Variants in EDIL3 observed in about 807,000 individuals in gnomAD.
EDIL3 encodes the protein EGF-like repeat and discoidin I-like domain-containing protein 3.
Under a neutral mutation model 67.4 loss-of-function variants are expected in EDIL3, and 37 were observed. The observed-to-expected ratio is 0.55, with a 90% CI of 0.42 to 0.72. The LOEUF (loss-of-function observed/expected upper bound fraction) is 0.72, where lower values mean the gene tolerates loss of function less well. Among genes scored for constraint, EDIL3 ranks in the 30% least tolerant of loss-of-function variants. The probability of loss-of-function intolerance (pLI) is 0.00; values close to 1 mark genes in which losing one functional copy is unlikely to be tolerated. For synonymous variants in EDIL3, 195 were observed against 196.3 expected (o/e 0.99, Z 0.05); for missense variants, 527 against 586.3 (o/e 0.90, Z 1.04).
At chr5:84,374,233 A>C (rs2112216253) in intron 1 of EDIL3, among the ~76,000 whole-genome samples, 1 of 152,034 alleles carries the variant, frequency 6.6e-6, no homozygotes, top group East Asian at 1.9e-4. Context: ...AAGCACAACT[A>C]TAATTACCTC....
chr5:84,179,778 C>T (rs1240081228), intron 4 of EDIL3, among the ~76,000 whole-genome samples: 4 of 152,134 alleles, frequency 2.6e-5, no homozygotes, highest in African/African-American at 9.7e-5. Context: ...ACCTACAGTG[C>T]TAAGGCACCA....
intron 9 of EDIL3, among the ~76,000 whole-genome samples, chr5:83,964,253 T>C (rs557453791): frequency 1.3e-5 from 2 of 151,982 alleles, no homozygotes. Context: ...GTTAATTTTT[T>C]AAAAATCTAG....
At chr5:83,974,962 A>C (rs1580260559) in intron 9 of EDIL3, among the ~76,000 whole-genome samples, 1 of 151,944 alleles carries the variant, frequency 6.6e-6, no homozygotes, top group East Asian at 1.9e-4. Context: ...AGCTTAATAA[A>C]TGGTAAAGTA....
intron 1 of EDIL3, among the ~76,000 whole-genome samples, chr5:84,312,100 T>A (rs777639895): frequency 6.6e-6 from 1 of 151,096 alleles, no homozygotes; most frequent in Admixed American, 6.6e-5. Flanking sequence ...GGGTGGTGGC[T>A]GGGCAGCGGG....
chr5:84,249,917 A>ATC (rs1744989591), intron 2 of EDIL3, among the ~76,000 whole-genome samples: 2 of 152,192 alleles, frequency 1.3e-5, no homozygotes, highest in Admixed American at 1.3e-4. Flanking sequence ...ATATATATAT[A>ATC]TGGAAAGAGA....
At chr5:84,008,398 A>G (rs1004050565) in intron 9 of EDIL3, among the ~76,000 whole-genome samples, 2 of 152,232 alleles carry the variant, frequency 1.3e-5, no homozygotes, top group East Asian at 1.9e-4. Context: ...TACCTCACAT[A>G]TATCTCATAT....
At chr5:84,370,893 T>C (rs1442127433) in intron 1 of EDIL3, among the ~76,000 whole-genome samples, 1 of 152,104 alleles carries the variant, frequency 6.6e-6, no homozygotes, top group African/African-American at 2.4e-5. Flanking sequence ...TAAAAAGATG[T>C]ATATACCAGC....
intron 3 of EDIL3, among the ~76,000 whole-genome samples, chr5:84,200,729 T>A (rs2112377689): frequency 6.6e-6 from 1 of 152,202 alleles, no homozygotes; most frequent in African/African-American, 2.4e-5. Flanking sequence ...AGTCCAAATT[T>A]GGCCAATGTT....
chr5:84,115,532 A>T (rs1747649632), intron 5 of EDIL3, among the ~76,000 whole-genome samples: 1 of 152,192 alleles, frequency 6.6e-6, no homozygotes, highest in Non-Finnish European at 1.5e-5. Flanking sequence ...AAAGGCCAAA[A>T]TTCTTATTGA....
chr5:84,043,692 A>T (rs1746171968), intron 9 of EDIL3, among the ~76,000 whole-genome samples: 1 of 152,164 alleles, frequency 6.6e-6, no homozygotes, highest in Non-Finnish European at 1.5e-5. Flanking sequence ...TGTATTTTTC[A>T]TGTTTTGAGA....
At chr5:84,221,031 T>C (rs1561225940) in intron 3 of EDIL3, among the ~76,000 whole-genome samples, 2 of 152,110 alleles carry the variant, frequency 1.3e-5, no homozygotes, top group Non-Finnish European at 2.9e-5. Context: ...TCTGTGTGAG[T>C]TGTTATTTAA....
At chr5:84,227,411 A>C (rs1444731162) in intron 3 of EDIL3, among the ~76,000 whole-genome samples, 2 of 152,090 alleles carry the variant, frequency 1.3e-5, no homozygotes, top group African/African-American at 4.8e-5. Context: ...AGATACTATT[A>C]AAAAATCAAA....
chr5:84,134,447 A>G (rs1389613521), intron 5 of EDIL3, among the ~76,000 whole-genome samples: 1 of 152,162 alleles, frequency 6.6e-6, no homozygotes, highest in African/African-American at 2.4e-5. Context: ...CAGGGTAGAA[A>G]CCAGCACAGG....
At chr5:84,123,717 AC>A (rs1010838692) in intron 5 of EDIL3, among the ~76,000 whole-genome samples, 2 of 151,912 alleles carry the variant, frequency 1.3e-5, no homozygotes, top group African/African-American at 4.8e-5. Context: ...TACTAAAAAA[AC>A]ATCATTTCAA....
chr5:83,944,564 C>G (rs1744280261), intron 10 of EDIL3, among the ~76,000 whole-genome samples: 1 of 151,704 alleles, frequency 6.6e-6, no homozygotes, highest in African/African-American at 2.4e-5. Flanking sequence ...TTGGGGTAAA[C>G]TGAGGTATTT....
Position 84,319,433 on chromosome 5 carries a change from C to A in EDIL3, c.67+64875G>T, listed in dbSNP as rs1169614327. On this transcript the variant is annotated intron_variant, in intron 1 of 10. Coordinates refer to ENST00000296591, the MANE Select transcript of EDIL3 (RefSeq NM_005711.5). ...GAGCGGAGATCGCGCCACAGCACTC[C>A]CGCCTGGGCGACAGAACGAGACTCC... Among the ~76,000 whole-genome samples the A allele has an allele frequency of 3.2e-5, 3 of 93,818 alleles. 1 individual carries two copies. The highest frequency in any genetic ancestry group is 1.1e-4 in the African/African-American group (3 of 26,396). 61.5% of individuals were successfully genotyped at this position (93,818 alleles called of 152,430 possible). A position where few individuals can be genotyped will look rare whatever the true frequency, so the allele number is the denominator to read the frequency against.
intron 9 of EDIL3, among the ~76,000 whole-genome samples, chr5:84,003,292 A>C (rs999962351): frequency 5.9e-5 from 9 of 152,114 alleles, no homozygotes; most frequent in African/African-American, 2.2e-4. Context: ...TCAAGAGGGA[A>C]GTGGCAGGCC....
intron 9 of EDIL3, among the ~76,000 whole-genome samples, chr5:84,025,807 T>C (rs1188747239): frequency 6.6e-6 from 1 of 152,214 alleles, no homozygotes; most frequent in Non-Finnish European, 1.5e-5. Context: ...TAATAGGATA[T>C]TATTTTAGGG....
At chr5:84,202,474 T>G (rs1451487012) in intron 3 of EDIL3, among the ~76,000 whole-genome samples, 1 of 152,152 alleles carries the variant, frequency 6.6e-6, no homozygotes, top group Non-Finnish European at 1.5e-5. Flanking sequence ...AACAAAGAAT[T>G]TTAGTACTAT....
Sources: allele counts gnomAD v4.1 joint callset (sites outside exome capture counted in the v4.1 genomes callset), GRCh38; gene constraint gnomAD v4.1.1; transcripts MANE v1.5; gene names NCBI Gene and HGNC (gene_info 2026-07-23, HGNC 2026-07-21).